The following SGCD variants were observed in gnomAD, a reference collection of about 807,000 sequenced individuals.
SGCD encodes the protein delta-sarcoglycan.
In SGCD, 18 loss-of-function variants were observed where a neutral mutation model predicts 36.6. The observed-to-expected ratio is 0.49, with a 90% CI of 0.34 to 0.73. SGCD has a LOEUF of 0.73. SGCD is among the 30% of genes least tolerant of loss of function. The pLI is 0.01. For synonymous variants in SGCD, 133 were observed against 130.6 expected, an observed-to-expected ratio of 1.02 and a Z score of -0.12; for missense variants, 387 against 346.7, an observed-to-expected ratio of 1.12 and a Z score of -0.92.
rs145388512 is a variant in SGCD, at chr5:155,964,426, C to T, written c.-282+94002C>T. On this transcript the variant is annotated intron_variant, in intron 1 of 9. Coordinates refer to the SGCD transcript ENST00000517913. ...TGATCTCAGCTCACTGCAACCTCCA[C>T]CTCCTGAGTTCCAGTGATTCTCCTC... 1.7e-3 allele frequency among the ~76,000 whole-genome samples: 252 copies of T among 152,144 alleles called. 1 individual carries two copies. The highest frequency in any genetic ancestry group is 2.8e-3 in the Non-Finnish European group (192 of 67,972).
rs1196222811 is a variant in SGCD at position 156,658,692 on chromosome 5, G to A, written c.575+11156G>A. ...CCCCACATTTCCCCCTTTTCTTTTC[G>A]ACAAAACCGCCATCATCATCATGGC... On this transcript the variant is annotated intron_variant, in intron 7 of 8. Coordinates refer to ENST00000337851, the MANE Select transcript of SGCD (RefSeq NM_000337.6). Among the ~76,000 whole-genome samples the A allele has an allele frequency of 1.4e-3, 47 of 34,168 alleles. 4 individuals are homozygous for A. The South Asian group carries it at 0.015, about 11-fold the overall frequency. 22.4% of individuals were successfully genotyped at this position (34,168 alleles called of 152,430 possible).
intron 5 of SGCD, 95 bp from the exon 6 acceptor site, chr5:156,594,837 A>G: frequency 2.5e-6 from 2 of 806,446 alleles, no homozygotes; most frequent in Non-Finnish European, 4.0e-6. Context: ...GTTCTATGAA[A>G]AGCTTTTTGT....
chr5:155,807,961 C>T, the SGCD span, among the ~76,000 whole-genome samples: 2 of 152,092 alleles, frequency 1.3e-5, no homozygotes, highest in African/African-American at 4.8e-5. Flanking sequence ...GAAATAGTAC[C>T]TTATAGTAGT....
rs184736854 is a variant in SGCD at position 156,531,890 on chromosome 5, C to T, written c.294+23188C>T. On this transcript the variant is annotated intron_variant, in intron 4 of 8. Coordinates refer to ENST00000337851, the MANE Select transcript of SGCD (RefSeq NM_000337.6). ...TTGGGAGGCTGAGGTGGGCAGATCA[C>T]CTGAGGTTAAGAGTTCGAGACCAGC... Among the ~76,000 whole-genome samples the T allele has an allele frequency of 1.8e-3, 280 of 152,146 alleles. 1 individual carries two copies. The highest frequency in any genetic ancestry group is 6.5e-3 in the African/African-American group (268 of 41,514).
At chr5:155,824,445 G>A in the SGCD span, among the ~76,000 whole-genome samples, 2 of 152,268 alleles carry the variant, frequency 1.3e-5, no homozygotes, top group South Asian at 2.1e-4. Context: ...ATTGGTGGAT[G>A]TATTCATTGT....
chr5:156,751,160 G>A (rs116499988), intron 7 of SGCD, among the ~76,000 whole-genome samples: 47 of 152,194 alleles, frequency 3.1e-4, no homozygotes, highest in African/African-American at 1.0e-3. Context: ...ATTTTGCAGG[G>A]ATAGACAAAT....
chr5:155,799,648 G>A, the SGCD span, among the ~76,000 whole-genome samples: 1 of 151,422 alleles, frequency 6.6e-6, no homozygotes, highest in Non-Finnish European at 1.5e-5. Context: ...TGCTCGCCTC[G>A]GCCTCCAAAG....
chr5:155,776,512 A>G, the SGCD span, among the ~76,000 whole-genome samples: 1 of 152,184 alleles, frequency 6.6e-6, no homozygotes, highest in African/African-American at 2.4e-5. Flanking sequence ...AGGTGGTATT[A>G]TAAAATCCTT....
intron 1 of SGCD, among the ~76,000 whole-genome samples, chr5:155,895,257 G>A (rs1756224293): frequency 6.6e-6 from 1 of 152,158 alleles, no homozygotes; most frequent in South Asian, 2.1e-4. Context: ...TCTCAGGTAG[G>A]GAACATTCTG....
At chr5:156,004,576 G>A (rs998919771) in intron 1 of SGCD, among the ~76,000 whole-genome samples, 4 of 152,092 alleles carry the variant, frequency 2.6e-5, no homozygotes, top group South Asian at 2.1e-4. Flanking sequence ...ACTCACACCC[G>A]GATCAGCTTC....
chr5:156,331,612 G>A (rs1243803503), intron 2 of SGCD, among the ~76,000 whole-genome samples: 2 of 152,162 alleles, frequency 1.3e-5, no homozygotes, highest in African/African-American at 2.4e-5. Context: ...CAGAGTGATA[G>A]GATCAGACTG....
chr5:156,710,580 G>A (rs770445159), intron 7 of SGCD, among the ~76,000 whole-genome samples: 94 of 152,326 alleles, frequency 6.2e-4, no homozygotes, highest in Middle Eastern at 3.4e-3. Context: ...CATGTAAGAT[G>A]TGCAATTGGT....
At chr5:155,885,939 C>T (rs940921023) in intron 1 of SGCD, among the ~76,000 whole-genome samples, 3 of 152,166 alleles carry the variant, frequency 2.0e-5, no homozygotes, top group Non-Finnish European at 4.4e-5. Context: ...GACTGAATAA[C>T]GTAAACTAGT....
At chr5:156,028,834 C>T (rs973653044) in intron 1 of SGCD, among the ~76,000 whole-genome samples, 36 of 152,206 alleles carry the variant, frequency 2.4e-4, no homozygotes, top group South Asian at 4.2e-4. Flanking sequence ...AGCATGATGT[C>T]GTCTGAACCT....
At position 156,241,789 on chromosome 5, in the gene SGCD, A is replaced by G. The variant is rs561352008; in HGVS notation, c.-43-87745A>G. ...CACTATGCTAGTAGGTACTGGAAAT[A>G]CACTCACCAAGCAGCCCTTGCACAA... On this transcript the variant is annotated intron_variant, in intron 3 of 9. Transcript: ENST00000517913. 3.9e-5 allele frequency among the ~76,000 whole-genome samples: 6 copies of G among 152,330 alleles called. No individual in the cohort carries two copies. In the South Asian group the frequency reaches 1.2e-3, roughly 32 times the overall value.
intron 3 of SGCD, among the ~76,000 whole-genome samples, chr5:156,424,888 A>G (rs1316137652): frequency 6.6e-6 from 1 of 152,176 alleles, no homozygotes; most frequent in East Asian, 1.9e-4. Flanking sequence ...GTGTGACAAT[A>G]TGTGTGAAAT....
chr5:155,989,151 G>A (rs916890204), intron 1 of SGCD, among the ~76,000 whole-genome samples: 12 of 152,168 alleles, frequency 7.9e-5, no homozygotes, highest in Non-Finnish European at 1.2e-4. Context: ...ACTGAAGTTA[G>A]CTGCTATTTG....
At chr5:155,732,982 G>A in the SGCD span, among the ~76,000 whole-genome samples, 1 of 150,040 alleles carries the variant, frequency 6.7e-6, no homozygotes, top group African/African-American at 2.5e-5. Context: ...TCTTTGAGAA[G>A]TATAGCAATC....
At chr5:156,448,731 CTTTTT>C (rs1158844774) in intron 3 of SGCD, among the ~76,000 whole-genome samples, 35 of 76,048 alleles carry the variant, frequency 4.6e-4, no homozygotes, top group Admixed American at 3.3e-3. Context: ...TTTTCTTTTT[CTTTTT>C]TTTTTTTTTT....
Sources: gnomAD v4.1 joint callset for allele counts (sites outside exome capture counted in the v4.1 genomes callset) on GRCh38, gnomAD v4.1.1 for gene constraint, MANE v1.5 for transcripts, NCBI Gene and HGNC (gene_info 2026-07-23, HGNC 2026-07-21) for gene names.